The following RBFOX3 variants were observed in gnomAD, a reference collection of about 807,000 sequenced individuals.
The protein encoded by RBFOX3 is RNA binding protein fox-1 homolog 3.
RBFOX3 carries 17 observed loss-of-function variants against 48.7 expected under a neutral mutation model. The observed-to-expected ratio is 0.35, with a 90% CI of 0.24 to 0.52. RBFOX3 has a LOEUF of 0.52. Among genes scored for constraint, RBFOX3 ranks in the 20% least tolerant of loss-of-function variants. The pLI is 0.94. For synonymous variants in RBFOX3, 212 were observed against 209.5 expected (o/e 1.01, Z -0.10); for missense variants, 382 against 497.5 (o/e 0.77, Z 2.21).
chr17:79,647,063 G>A, the RBFOX3 span, among the ~76,000 whole-genome samples: 4 of 49,430 alleles, frequency 8.1e-5, no homozygotes, highest in Non-Finnish European at 2.1e-4. Context: ...TCACTGCCGT[G>A]TGTGTGTGTG....
Position 79,158,462 on chromosome 17 carries a change from C to T in RBFOX3, c.-33-42714G>A, listed in dbSNP as rs377075001. Among the ~76,000 whole-genome samples the T allele has an allele frequency of 9.9e-5, 15 of 152,230 alleles. 1 individual carries two copies. The highest frequency in any genetic ancestry group is 3.6e-4 in the African/African-American group (15 of 41,538). Reference sequence around the variant, plus strand: ...GCAGGCTGAGCAGGGGCACTGCAAACCTGCTCCTGTTCTTACACTTCCCCA... The same window carrying T: ...GCAGGCTGAGCAGGGGCACTGCAAATCTGCTCCTGTTCTTACACTTCCCCA... On this transcript the variant is annotated intron_variant, in intron 4 of 14. Coordinates refer to ENST00000693108, the MANE Select transcript of RBFOX3 (RefSeq NM_001350451.2).
intron 12 of RBFOX3, 27 bp from the exon 13 acceptor site, chr17:79,095,601 G>A (rs1437270468): frequency 7.8e-6 from 12 of 1,545,700 alleles, no homozygotes; most frequent in Non-Finnish European, 7.0e-6. Context: ...AGGAGAGAGA[G>A]CAGAGGGACT....
At chr17:79,092,599 A>T in intron 14 of RBFOX3, 1 of 987,690 alleles carries the variant, frequency 1.0e-6, no homozygotes. Context: ...GTCTCTTGCT[A>T]GTAGGGGGTG....
intron 2 of RBFOX3, among the ~76,000 whole-genome samples, chr17:79,321,522 G>T (rs1401831247): frequency 6.6e-6 from 1 of 152,100 alleles, no homozygotes; most frequent in Non-Finnish European, 1.5e-5. Context: ...AGGTGAGAAA[G>T]TTCTCATCCA....
intron 2 of RBFOX3, among the ~76,000 whole-genome samples, chr17:79,316,549 G>C (rs192364427): frequency 2.6e-5 from 4 of 152,350 alleles, no homozygotes; most frequent in Admixed American, 6.5e-5. Context: ...AGAAAGGGAA[G>C]GGAGGTCTTG....
At chr17:79,523,689 G>T (rs2086425000) in intron 1 of RBFOX3, among the ~76,000 whole-genome samples, 1 of 152,192 alleles carries the variant, frequency 6.6e-6, no homozygotes, top group Admixed American at 6.5e-5. Context: ...TCCGGTGAGG[G>T]ATAAGGCAAG....
At chr17:79,541,529 C>A (rs2089690468) in intron 1 of RBFOX3, among the ~76,000 whole-genome samples, 1 of 152,224 alleles carries the variant, frequency 6.6e-6, no homozygotes, top group South Asian at 2.1e-4. Context: ...GGAAGCAGCT[C>A]TGTCCTCAGC....
Position 79,115,461 on chromosome 17 carries a change from C to A in RBFOX3, c.222+33G>T, listed in dbSNP as rs1044708603. The stretch of plus-strand genomic sequence containing the variant: ...GGGTGGGTGCTCCTCCCTGAAGCTC[C>A]AGGGCTGGGCCTGGGGTCGTGGGGG... On this transcript the variant is annotated intron_variant, in intron 5 of 14. Coordinates refer to ENST00000693108, the MANE Select transcript of RBFOX3 (RefSeq NM_001350451.2). 3.1e-6 allele frequency: 4 copies of A among 1,275,990 alleles called. No individual in the cohort carries two copies. The African/African-American group carries it at 4.7e-5, about 15-fold the overall frequency. 79.0% of individuals were successfully genotyped at this position (1,275,990 alleles called of 1,614,324 possible).
chr17:79,226,840 A>T (rs2071631753), intron 4 of RBFOX3, among the ~76,000 whole-genome samples: 1 of 152,182 alleles, frequency 6.6e-6, no homozygotes, highest in Non-Finnish European at 1.5e-5. Context: ...TGAGTTAGGA[A>T]AGAGGGAGCG....
At chr17:79,587,822 C>A (rs1000906483) in intron 1 of RBFOX3, among the ~76,000 whole-genome samples, 1 of 152,142 alleles carries the variant, frequency 6.6e-6, no homozygotes, top group Admixed American at 6.5e-5. Flanking sequence ...AGCTACTTCA[C>A]GGGAGGACGG....
chr17:79,389,468 C>A (rs1258966794), intron 2 of RBFOX3, among the ~76,000 whole-genome samples: 1 of 152,158 alleles, frequency 6.6e-6, no homozygotes. Context: ...AGCTGACAGC[C>A]CTTGAGGGGG....
chr17:79,542,038 CCTT>C (rs371777734), intron 1 of RBFOX3, among the ~76,000 whole-genome samples: 18 of 141,762 alleles, frequency 1.3e-4, no homozygotes, highest in African/African-American at 5.1e-4. Context: ...AGAGCGTCGA[CCTT>C]TTTTTTTTTT....
chr17:79,270,082 G>C (rs2143617377), intron 3 of RBFOX3, among the ~76,000 whole-genome samples: 1 of 152,180 alleles, frequency 6.6e-6, no homozygotes, highest in South Asian at 2.1e-4. Flanking sequence ...CCCTCTCGCT[G>C]GTCTTCCGCC....
chr17:79,237,221 G>A (rs2061735321), intron 3 of RBFOX3, among the ~76,000 whole-genome samples: 2 of 152,156 alleles, frequency 1.3e-5, no homozygotes, highest in African/African-American at 4.8e-5. Context: ...ATTGAAAGAC[G>A]GTCAGACTGG....
rs2078038735 is a variant in RBFOX3 at position 79,477,420 on chromosome 17, G to T, written c.-175+5034C>A. Among the ~76,000 whole-genome samples, 3 of 152,108 alleles carry T rather than the reference G, an allele frequency of 2.0e-5. No homozygotes were observed. Among genetic ancestry groups the T allele is most frequent in the South Asian group, 2.1e-4 (1 of 4,822 alleles). ...AAATACAAAACATTAGCCAGACGTG[G>T]TGGCGGGCGCCTGTAGTCCCAGCTA... On this transcript the variant is annotated intron_variant, in intron 2 of 14. Coordinates refer to ENST00000693108, the MANE Select transcript of RBFOX3 (RefSeq NM_001350451.2). This position sits in a 1 kb window ranked among gnomAD's most constrained non-coding sequence, Gnocchi z 4.8.
intron 1 of RBFOX3, among the ~76,000 whole-genome samples, chr17:79,609,195 T>C (rs1410057778): frequency 6.6e-6 from 1 of 152,246 alleles, no homozygotes; most frequent in Non-Finnish European, 1.5e-5. Flanking sequence ...ATACTTTTTT[T>C]TTCCATTATG....
At chr17:79,533,085 C>A (rs1032957712) in intron 1 of RBFOX3, among the ~76,000 whole-genome samples, 2 of 152,230 alleles carry the variant, frequency 1.3e-5, no homozygotes, top group African/African-American at 4.8e-5. Flanking sequence ...GTTTTCACAT[C>A]CCTGTGAAAG....
chr17:79,321,902 C>T (rs1011971414), intron 2 of RBFOX3, among the ~76,000 whole-genome samples: 22 of 152,194 alleles, frequency 1.4e-4, no homozygotes, highest in Non-Finnish European at 2.5e-4. Flanking sequence ...GATGGGGTTT[C>T]ACCATGTTGG....
chr17:79,433,320 GGACAT>G, intron 2 of RBFOX3, among the ~76,000 whole-genome samples: 1 of 152,204 alleles, frequency 6.6e-6, no homozygotes, highest in African/African-American at 2.4e-5. Flanking sequence ...CAGTTGACCT[GGACAT>G]CCTGCCCATA....
Sources: allele counts gnomAD v4.1 joint callset (sites outside exome capture counted in the v4.1 genomes callset), GRCh38; gene constraint gnomAD v4.1.1; non-coding constraint Gnocchi (gnomAD v3.1); transcripts MANE v1.5; gene names NCBI Gene and HGNC (gene_info 2026-07-23, HGNC 2026-07-21).